CEP44: variants seen among roughly 807,000 people sequenced by gnomAD.
CEP44 encodes centrosomal protein of 44 kDa.
CEP44 carries 45 observed loss-of-function variants against 46.7 expected under a neutral mutation model. The observed-to-expected ratio is 0.96, with a 90% CI of 0.76 to 1.24. The LOEUF is 1.24. Ranked by LOEUF, CEP44 falls within the 50% of genes most tolerant of loss-of-function variation. CEP44 has a pLI of 0.00. For missense variants in CEP44, 475 were observed against 459.7 expected, an observed-to-expected ratio of 1.03 and a Z score of -0.30; for synonymous variants, 142 against 146.0, an observed-to-expected ratio of 0.97 and a Z score of 0.20.
In CEP44 at chr4:174,326,625, T is replaced by C. The variant is rs996174674; in HGVS notation, c.1087-4857T>C. 3.1e-4 allele frequency among the ~76,000 whole-genome samples: 47 copies of C among 152,222 alleles called. 1 individual carries two copies. The highest frequency in any genetic ancestry group is 1.1e-3 in the African/African-American group (46 of 41,576). On this transcript the variant is annotated intron_variant, in intron 8 of 8. Coordinates refer to the CEP44 transcript ENST00000426172. This position sits in a 1 kb window ranked among gnomAD's most constrained non-coding sequence, Gnocchi z 4.8. ...TTATTCTTTCATGTAGATCCACATT[T>C]CTTCTTGATATAATTTTCCTTCTGC...
intron 6 of CEP44, among the ~76,000 whole-genome samples, chr4:174,306,633 T>C (rs1273642259): frequency 6.6e-6 from 1 of 152,088 alleles, no homozygotes; most frequent in African/African-American, 2.4e-5. Flanking sequence ...ATATTATATG[T>C]GATAATTTAA....
intron 6 of CEP44, among the ~76,000 whole-genome samples, chr4:174,308,260 A>G (rs776215634): frequency 6.6e-6 from 1 of 152,208 alleles, no homozygotes; most frequent in African/African-American, 2.4e-5. Context: ...GATAAAGAAG[A>G]TGTGGTACAT....
At chr4:174,313,115 G>T (rs971234867) in intron 9 of CEP44, among the ~76,000 whole-genome samples, 1 of 152,050 alleles carries the variant, frequency 6.6e-6, no homozygotes, top group African/African-American at 2.4e-5. Flanking sequence ...CTCATGTTAG[G>T]CAAGGGGGGC....
At chr4:174,299,988 G>C (rs1379481044) in intron 3 of CEP44, among the ~76,000 whole-genome samples, 1 of 152,112 alleles carries the variant, frequency 6.6e-6, no homozygotes, top group Non-Finnish European at 1.5e-5. Flanking sequence ...TGAAGTCTTG[G>C]ACTTTGTTTT....
Position 174,319,089 on chromosome 4 carries a change from T to A in CEP44, c.*1706T>A. ...GTCCCAAAGTGCTAGATTCCATGGG[T>A]GAGTCACCATGCTTGGCCACATTTT... On this transcript the variant is annotated 3_prime_UTR_variant, in exon 12 of 12. Coordinates refer to ENST00000503780, the MANE Select transcript of CEP44 (RefSeq NM_001040157.3). 1 of 967,718 alleles carries A rather than the reference T, an allele frequency of 1.0e-6. No individual in the cohort carries two copies. Among genetic ancestry groups the A allele is most frequent in the Non-Finnish European group, 1.2e-6 (1 of 813,984 alleles). 59.9% of individuals were successfully genotyped at this position (967,718 alleles called of 1,614,324 possible). A position where few individuals can be genotyped will look rare whatever the true frequency, so the allele number is the denominator to read the frequency against.
downstream of CEP44, among the ~76,000 whole-genome samples, chr4:174,323,300 G>T (rs985848072): frequency 6.6e-6 from 1 of 152,066 alleles, no homozygotes; most frequent in Non-Finnish European, 1.5e-5. Context: ...GGCCTTGAGA[G>T]GTTTTCCCCC....
intron 5 of CEP44, 110 bp from the exon 6 acceptor site, chr4:174,304,134 CATT>C: frequency 1.6e-6 from 2 of 1,230,578 alleles, no homozygotes; most frequent in Non-Finnish European, 2.2e-6. Context: ...ATTAGAGTCT[CATT>C]ATTTGTCAGC....
At chr4:174,303,887 A>G (rs1412100649) in intron 5 of CEP44, 38 bp downstream of exon 5, 1 of 1,332,188 alleles carries the variant, frequency 7.5e-7, no homozygotes, top group Admixed American at 2.1e-5. Flanking sequence ...GATGTATGCT[A>G]TTAATAGATG....
Position 174,312,036 on chromosome 4 carries a change from CTT to C in CEP44, c.961+1180_961+1181del, listed in dbSNP as rs1284615365. On this transcript the variant is annotated intron_variant, in intron 9 of 11. Coordinates refer to ENST00000503780, the MANE Select transcript of CEP44 (RefSeq NM_001040157.3). This position sits in a 1 kb window ranked among gnomAD's most constrained non-coding sequence, Gnocchi z 4.5. ...AGTATAAGATCCTTGAGAGCAAAAA[CTT>C]TATCTTATGGTCTGCCTGTCTAGCA... is the stretch of plus-strand genomic sequence containing the variant. Among the ~76,000 whole-genome samples the C allele has an allele frequency of 6.6e-6, 1 of 152,154 alleles. No individual in the cohort carries two copies. The highest frequency in any genetic ancestry group is 1.5e-5 in the Non-Finnish European group (1 of 68,012).
intron 8 of CEP44, among the ~76,000 whole-genome samples, chr4:174,328,279 G>T (rs774268980): frequency 6.6e-6 from 1 of 152,194 alleles, no homozygotes; most frequent in Non-Finnish European, 1.5e-5. Flanking sequence ...TGACTGGTTG[G>T]ATAACGGAAA....
rs1739663064 is a variant in CEP44, at chr4:174,301,186, T to A, written c.90-853T>A. On this transcript the variant is annotated intron_variant, in intron 3 of 11. Transcript: ENST00000503780. This position sits in a 1 kb window ranked among gnomAD's most constrained non-coding sequence, Gnocchi z 4.3. ...ACATCTTGAATTTTTTGGAAAACAT[T>A]TGCTTTATATAAGTACAAAATACTG... Among the ~76,000 whole-genome samples the A allele has an allele frequency of 6.6e-6, 1 of 152,188 alleles. No homozygotes were observed. The highest frequency in any genetic ancestry group is 1.5e-5 in the Non-Finnish European group (1 of 68,014).
Position 174,317,822 on chromosome 4 carries a change from A to G in CEP44, c.*439A>G, listed in dbSNP as rs978442005. The G allele has an allele frequency of 1.1e-4, 104 of 986,014 alleles. 6 individuals carry two copies. In the South Asian group the frequency reaches 3.9e-3, roughly 37 times the overall value. The allele number at this position is 986,014 out of a possible 1,614,324, so 61.1% of individuals were successfully genotyped here. On this transcript the variant is annotated 3_prime_UTR_variant, in exon 12 of 12. Transcript: ENST00000503780. ...ATCTTGGCATCTGTACTGATGAATA[A>G]GTTATAATGAACAGTTAAAAATGCT... is the stretch of plus-strand genomic sequence containing the variant.
In CEP44 at chr4:174,310,717, T is replaced by G; in HGVS notation, c.886-66T>G. 1.3e-6 allele frequency: 1 copy of G among 791,080 alleles called. No homozygotes were observed. Among genetic ancestry groups the G allele is most frequent in the Non-Finnish European group, 2.1e-6 (1 of 472,444 alleles). 49.0% of individuals were successfully genotyped at this position (791,080 alleles called of 1,614,324 possible). ...TACCTTTATATTTTATGCTCAGCAT[T>G]AAGAATATAAAATGAGAGGGTTTTT... On this transcript the variant is annotated intron_variant, in intron 8 of 11. Coordinates refer to ENST00000503780, the MANE Select transcript of CEP44 (RefSeq NM_001040157.3). The surrounding 1 kb of genome is among the most constrained non-coding windows in gnomAD (Gnocchi z 4.2).
intron 8 of CEP44, among the ~76,000 whole-genome samples, chr4:174,328,890 T>C (rs1208002362): frequency 6.6e-6 from 1 of 152,210 alleles, no homozygotes; most frequent in Non-Finnish European, 1.5e-5. Context: ...GAAAAACTTA[T>C]GATAAACCAT....
chr4:174,319,695 A>G lies in CEP44; in HGVS notation c.*2312A>G, dbSNP rs2126682076. 1 of 830,146 alleles carries G rather than the reference A, an allele frequency of 1.2e-6. No individual in the cohort carries two copies. Among genetic ancestry groups the G allele is most frequent in the East Asian group, 1.2e-4 (1 of 8,208 alleles). 51.4% of individuals were successfully genotyped at this position (830,146 alleles called of 1,614,324 possible). ...AAATTTAGAATCCAAATTTTCTTAA[A>G]CTTTAATAACTTGTCTAACAACTCT... On this transcript the variant is annotated 3_prime_UTR_variant, in exon 12 of 12. Coordinates refer to ENST00000503780, the MANE Select transcript of CEP44 (RefSeq NM_001040157.3).
rs2126628855 is a variant in CEP44, at chr4:174,308,775, T to C, written c.594T>C (p.Asn198=). ...CATTAAGTCCAATAACAGATGTTAA[T>C]GAAGCAGTTGATGTGTCTGACTTAA... ...EDTLSPITDV[N]EAVDVSDLNA... is the part of the protein sequence containing the mutation. The change falls in exon 7 of 12, where the codon AAT becomes AAC. Residue 198 remains asparagine (N), a synonymous_variant. Transcript: ENST00000503780. 1.2e-6 allele frequency: 2 copies of C among 1,613,366 alleles called. No homozygotes were observed. The highest frequency in any genetic ancestry group is 1.7e-6 in the Non-Finnish European group (2 of 1,179,440).
Position 174,310,780 on chromosome 4 carries a change from C to T in CEP44, c.886-3C>T. On this transcript the variant is annotated splice_region_variant and splice_polypyrimidine_tract_variant and intron_variant, in intron 8 of 11. Coordinates refer to ENST00000503780, the MANE Select transcript of CEP44 (RefSeq NM_001040157.3). This position sits in a 1 kb window ranked among gnomAD's most constrained non-coding sequence, Gnocchi z 4.2. ...TTCTAAATATTTAACTGTGTTATTCCAGAATGATGAATTTATAGAGTTTAA... is the reference window on the plus strand; with the variant it reads ...TTCTAAATATTTAACTGTGTTATTCTAGAATGATGAATTTATAGAGTTTAA... 3 of 1,362,118 alleles carry T rather than the reference C, an allele frequency of 2.2e-6. No homozygotes were observed. The highest frequency in any genetic ancestry group is 2.4e-5 in the East Asian group (1 of 42,102). 84.4% of individuals were successfully genotyped at this position (1,362,118 alleles called of 1,614,324 possible). A position where few individuals can be genotyped will look rare whatever the true frequency, so the allele number is the denominator to read the frequency against.
chr4:174,308,489 A>C (rs898628098), intron 6 of CEP44, among the ~76,000 whole-genome samples, 200 bp from the exon 7 acceptor site: 2 of 152,090 alleles, frequency 1.3e-5, no homozygotes, highest in African/African-American at 4.8e-5. Context: ...GGTGGAGGGT[A>C]GGAGGAGGTT....
Position 174,310,824 on chromosome 4 carries a change from C to A in CEP44, c.927C>A (p.Tyr309Ter). The change falls in exon 9 of 12, where the codon TAC becomes TAA. Residue 309 changes from tyrosine (Y) to a stop codon, truncating the protein, a stop_gained. Transcript: ENST00000503780. LOFTEE classifies it high-confidence loss of function. The surrounding 1 kb of genome is among the most constrained non-coding windows in gnomAD (Gnocchi z 4.2). ...AGTTTAATGAAGTTAGTGAAGACTA[C>A]GCTTCTTGTAGTGACATGGACCTTC... ...FIEFNEVSED[Y>*]ASCSDMDLLN... The A allele has an allele frequency of 6.6e-7, 1 of 1,524,240 alleles. No homozygotes were observed. Among genetic ancestry groups the A allele is most frequent in the Non-Finnish European group, 9.0e-7 (1 of 1,108,536 alleles). The allele number at this position is 1,524,240 out of a possible 1,614,324, so 94.4% of individuals were successfully genotyped here.
Sources: gnomAD v4.1 joint callset for allele counts (sites outside exome capture counted in the v4.1 genomes callset) on GRCh38, gnomAD v4.1.1 for gene constraint, Gnocchi (gnomAD v3.1) non-coding constraint, MANE v1.5 for transcripts, NCBI Gene and HGNC (gene_info 2026-07-23, HGNC 2026-07-21) for gene names.